NCAM2: variants seen among roughly 807,000 people sequenced by gnomAD.
NCAM2 encodes the protein N-CAM-2.
Under a neutral mutation model 98.1 loss-of-function variants are expected in NCAM2, and 30 were observed. That is an observed-to-expected ratio of 0.31 (90% confidence interval 0.23 to 0.41). NCAM2 has a LOEUF of 0.41. Among genes scored for constraint, NCAM2 ranks in the 10% least tolerant of loss-of-function variants. The probability of loss-of-function intolerance (pLI) is 1.00; values close to 1 mark genes in which losing one functional copy is unlikely to be tolerated. For synonymous variants in NCAM2, 368 were observed against 342.4 expected, an observed-to-expected ratio of 1.07 and a Z score of -0.83; for missense variants, 867 against 1,005.8, an observed-to-expected ratio of 0.86 and a Z score of 1.87.
chr21:21,168,412 G>A (rs1197468738), intron 1 of NCAM2, among the ~76,000 whole-genome samples: 3 of 151,926 alleles, frequency 2.0e-5, no homozygotes, highest in South Asian at 2.1e-4. Flanking sequence ...TCTCATTAGC[G>A]CTTTTCATCA....
At chr21:21,308,623 CCAGGT>C (rs767537363) in intron 5 of NCAM2, among the ~76,000 whole-genome samples, 7 of 152,036 alleles carry the variant, frequency 4.6e-5, no homozygotes, top group South Asian at 4.2e-4. Flanking sequence ...ATACTTGTAC[CCAGGT>C]TTTGGTGATG....
chr21:21,521,469 T>A (rs1989012375), intron 16 of NCAM2, among the ~76,000 whole-genome samples: 1 of 152,184 alleles, frequency 6.6e-6, no homozygotes, highest in African/African-American at 2.4e-5. Context: ...ATGATGGCGA[T>A]GTTGGAATTA....
chr21:21,292,090 T>A lies in NCAM2; in HGVS notation c.482-14T>A, dbSNP rs2073317813. ...ATTACTGATACCATTTTCTCCCCTT[T>A]GCTTTCTTTCCAGATCGGTTCGCTA... On this transcript the variant is annotated splice_polypyrimidine_tract_variant and intron_variant, in intron 4 of 17. Coordinates refer to ENST00000400546, the MANE Select transcript of NCAM2 (RefSeq NM_004540.5). 6.2e-7 allele frequency: 1 copy of A among 1,601,944 alleles called. No homozygotes were observed. Among genetic ancestry groups the A allele is most frequent in the Non-Finnish European group, 8.5e-7 (1 of 1,174,604 alleles).
chr21:21,136,243 T>C (rs1255236968), intron 1 of NCAM2, among the ~76,000 whole-genome samples: 3 of 152,136 alleles, frequency 2.0e-5, no homozygotes, highest in Non-Finnish European at 4.4e-5. Context: ...TTTGCTACCA[T>C]TTGCATGTAA....
intron 8 of NCAM2, 72 bp from the exon 9 acceptor site, chr21:21,373,791 T>A (rs1262725131): frequency 2.6e-5 from 32 of 1,238,252 alleles, no homozygotes; most frequent in Non-Finnish European, 3.4e-5. Context: ...AGTAACATAA[T>A]GTTATATGTT....
chr21:21,234,733 C>A (rs1027589398), intron 1 of NCAM2, among the ~76,000 whole-genome samples: 3 of 151,840 alleles, frequency 2.0e-5, no homozygotes, highest in Admixed American at 1.3e-4. Flanking sequence ...GTGTCTGGAG[C>A]AGAGGGAGCT....
intron 11 of NCAM2, among the ~76,000 whole-genome samples, chr21:21,424,099 C>A (rs1335293104): frequency 6.6e-6 from 1 of 152,146 alleles, no homozygotes; most frequent in East Asian, 1.9e-4. Flanking sequence ...GTTTTATGAT[C>A]TAGCCTGGAC....
intron 13 of NCAM2, among the ~76,000 whole-genome samples, chr21:21,467,767 GAA>G (rs1983910186): frequency 2.8e-5 from 1 of 35,676 alleles, no homozygotes; most frequent in African/African-American, 1.4e-4. Flanking sequence ...TGAGAGGTGA[GAA>G]GATCACCTGA....
At chr21:21,248,832 T>A (rs2071380691) in intron 1 of NCAM2, among the ~76,000 whole-genome samples, 1 of 142,412 alleles carries the variant, frequency 7.0e-6, no homozygotes. Context: ...TATGAATTTC[T>A]TTCTTTGGCA....
At chr21:21,105,766 T>C (rs963446084) in intron 1 of NCAM2, among the ~76,000 whole-genome samples, 5 of 152,134 alleles carry the variant, frequency 3.3e-5, no homozygotes, top group Non-Finnish European at 7.4e-5. Context: ...CTAAAGCCAA[T>C]CTGCAAAGTC....
At chr21:21,519,058 A>G (rs147398406) in intron 16 of NCAM2, among the ~76,000 whole-genome samples, 1 of 152,130 alleles carries the variant, frequency 6.6e-6, no homozygotes, top group Non-Finnish European at 1.5e-5. Flanking sequence ...AGATTCTAAC[A>G]TGGGGATGAG....
intron 11 of NCAM2, among the ~76,000 whole-genome samples, chr21:21,419,007 T>C (rs1047197813): frequency 1.3e-5 from 2 of 152,146 alleles, no homozygotes; most frequent in African/African-American, 4.8e-5. Flanking sequence ...TACAACAATT[T>C]TGCATGCATA....
chr21:21,469,206 T>A (rs1984111628), intron 14 of NCAM2, among the ~76,000 whole-genome samples: 2 of 152,024 alleles, frequency 1.3e-5, no homozygotes, highest in Admixed American at 6.6e-5. Flanking sequence ...ATCCATAATG[T>A]TTAACAAAGA....
intron 4 of NCAM2, among the ~76,000 whole-genome samples, chr21:21,290,853 T>C (rs1470494984): frequency 6.6e-6 from 1 of 151,856 alleles, no homozygotes; most frequent in Non-Finnish European, 1.5e-5. Flanking sequence ...TGGAGTGGCC[T>C]ACTACCCTAG....
rs915798924 is a variant in NCAM2 at position 21,432,293 on chromosome 21, A to G, written c.1654+12A>G. 1.9e-6 allele frequency: 3 copies of G among 1,610,104 alleles called. No homozygotes were observed. The highest frequency in any genetic ancestry group is 2.5e-6 in the Non-Finnish European group (3 of 1,177,118). On this transcript the variant is annotated intron_variant, in intron 12 of 17. Transcript: ENST00000400546. ...CCATGGAGTTCAAAGTGAGTCAACA[A>G]TTTCAAAATGTGTTGGTTAATTCAA...
intron 5 of NCAM2, among the ~76,000 whole-genome samples, chr21:21,315,426 G>A (rs114855163): frequency 0.013 from 1,932 of 152,162 alleles, 44 homozygotes; most frequent in African/African-American, 0.044. Context: ...AGAAAGCTGC[G>A]ATCTTATTTA....
chr21:21,476,283 G>A (rs1157889802), intron 14 of NCAM2, among the ~76,000 whole-genome samples: 1 of 152,024 alleles, frequency 6.6e-6, no homozygotes, highest in Middle Eastern at 3.2e-3. Context: ...CAGAGAAAAT[G>A]TTTCATTTCC....
intron 1 of NCAM2, among the ~76,000 whole-genome samples, chr21:21,208,880 T>C (rs2069541405): frequency 6.6e-6 from 1 of 152,114 alleles, no homozygotes; most frequent in South Asian, 2.1e-4. Context: ...ATTTTCTTCT[T>C]TTTCTTTGTT....
chr21:21,331,553 TATATACTCTATATAC>T (rs1160258816), intron 6 of NCAM2, among the ~76,000 whole-genome samples: 13 of 15,240 alleles, frequency 8.5e-4, no homozygotes, highest in East Asian at 2.4e-3. Flanking sequence ...TACATATATA[TATATACTCTATATAC>T]ATATATATAT....
Sources: allele counts gnomAD v4.1 joint callset (sites outside exome capture counted in the v4.1 genomes callset), GRCh38; gene constraint gnomAD v4.1.1; transcripts MANE v1.5; gene names NCBI Gene and HGNC (gene_info 2026-07-23, HGNC 2026-07-21).